KAZN: variants seen among roughly 807,000 people sequenced by gnomAD.
KAZN encodes kazrin.
A neutral mutation model predicts 87.4 loss-of-function variants in KAZN; 40 were observed. The ratio of observed to expected loss-of-function variants is 0.46; its 90% CI spans 0.36 to 0.60. The LOEUF (loss-of-function observed/expected upper bound fraction) is 0.60, where lower values mean the gene tolerates loss of function less well. Among genes scored for constraint, KAZN ranks in the 20% least tolerant of loss-of-function variants. The pLI is 0.00. For missense variants in KAZN, 898 were observed against 1,073.9 expected (o/e 0.84, Z 2.29); for synonymous variants, 466 against 458.3 (o/e 1.02, Z -0.22).
intron 1 of KAZN, among the ~76,000 whole-genome samples, chr1:14,936,315 C>T (rs768377015): frequency 2.6e-5 from 4 of 152,164 alleles, no homozygotes; most frequent in Non-Finnish European, 2.9e-5. Flanking sequence ...ATTAGAGATG[C>T]GGTTGGTACC....
intron 8 of KAZN, among the ~76,000 whole-genome samples, chr1:15,074,355 G>T (rs1349531221): frequency 6.6e-6 from 1 of 152,178 alleles, no homozygotes; most frequent in Non-Finnish European, 1.5e-5. Flanking sequence ...GGCAGTATGT[G>T]AGAAAACCAG....
At chr1:14,905,711 G>T (rs939611223) in intron 1 of KAZN, among the ~76,000 whole-genome samples, 1 of 151,514 alleles carries the variant, frequency 6.6e-6, no homozygotes, top group Non-Finnish European at 1.5e-5. Flanking sequence ...GGGCATGGTG[G>T]CACGTGCCTG....
chr1:14,338,968 A>G (rs1327769267), intron 2 of KAZN, among the ~76,000 whole-genome samples: 1 of 152,164 alleles, frequency 6.6e-6, no homozygotes, highest in Non-Finnish European at 1.5e-5. Context: ...TGCTGAATCA[A>G]TCCTTGGGAC....
chr1:14,795,227 ATTAC>A (rs1322642155), intron 1 of KAZN, among the ~76,000 whole-genome samples: 4 of 151,952 alleles, frequency 2.6e-5, no homozygotes, highest in Non-Finnish European at 5.9e-5. Context: ...CATCTATCCT[ATTAC>A]TTCTGTCCCT....
intron 1 of KAZN, among the ~76,000 whole-genome samples, chr1:14,821,945 A>C (rs1431833271): frequency 6.6e-6 from 1 of 152,178 alleles, no homozygotes; most frequent in Non-Finnish European, 1.5e-5. Context: ...TTACCAGACC[A>C]CACTGCCTCT....
intron 2 of KAZN, among the ~76,000 whole-genome samples, chr1:14,512,471 C>T (rs746812943): frequency 6.9e-6 from 1 of 145,570 alleles, no homozygotes; most frequent in African/African-American, 2.5e-5. Context: ...TGGCGCAGAG[C>T]CCCCCCACCC....
rs1463287539 is a variant in KAZN at position 14,183,908 on chromosome 1, T to G, written c.249+3316T>G. Among the ~76,000 whole-genome samples, 9 of 76,852 alleles carry G rather than the reference T, an allele frequency of 1.2e-4. No homozygotes were observed. The East Asian group carries it at 3.8e-3, about 33-fold the overall frequency. 50.4% of individuals were successfully genotyped at this position (76,852 alleles called of 152,430 possible). ...AGGGAGAGTCTGTGCTCTGCTGACC[T>G]AAGGAGGCTGCCCTGGGTCTGGACA... On this transcript the variant is annotated intron_variant, in intron 2 of 16. Coordinates refer to the KAZN transcript ENST00000636203.
intron 2 of KAZN, among the ~76,000 whole-genome samples, chr1:14,368,659 T>C (rs767738334): frequency 2.8e-4 from 42 of 152,188 alleles, no homozygotes; most frequent in Non-Finnish European, 4.3e-4. Flanking sequence ...GGCTCAATCC[T>C]ACCTCAGGCT....
intron 1 of KAZN, among the ~76,000 whole-genome samples, chr1:14,955,060 C>T (rs1221597910): frequency 1.3e-5 from 2 of 152,156 alleles, no homozygotes; most frequent in African/African-American, 4.8e-5. Flanking sequence ...TTCATCTAGA[C>T]TCATAAAGAG....
At chr1:14,272,717 G>A (rs545674869) in intron 2 of KAZN, among the ~76,000 whole-genome samples, 11 of 152,170 alleles carry the variant, frequency 7.2e-5, no homozygotes, top group African/African-American at 2.6e-4. Flanking sequence ...AATTAGCTGG[G>A]CATGGTGGCG....
At chr1:15,071,675 A>G (rs1340120344) in intron 8 of KAZN, among the ~76,000 whole-genome samples, 1 of 152,220 alleles carries the variant, frequency 6.6e-6, no homozygotes, top group Non-Finnish European at 1.5e-5. Context: ...CCTTGAGAAA[A>G]TGATCCCAAC....
intron 1 of KAZN, among the ~76,000 whole-genome samples, chr1:13,993,049 G>A (rs1639357416): frequency 6.6e-6 from 1 of 152,168 alleles, no homozygotes; most frequent in East Asian, 1.9e-4. Context: ...TTGCTCCAGT[G>A]ATGTCAGGCT....
intron 1 of KAZN, among the ~76,000 whole-genome samples, chr1:14,823,194 G>T (rs1646786317): frequency 6.6e-6 from 1 of 152,176 alleles, no homozygotes; most frequent in African/African-American, 2.4e-5. Context: ...TCTGAATCCG[G>T]ATTCCTAATT....
intron 2 of KAZN, among the ~76,000 whole-genome samples, chr1:14,325,554 CA>C (rs1327285187): frequency 6.6e-6 from 1 of 152,090 alleles, no homozygotes; most frequent in African/African-American, 2.4e-5. Context: ...AGAGAAAAAA[CA>C]GGCAAAAGAA....
At chr1:14,857,821 G>C (rs1650306496) in intron 1 of KAZN, among the ~76,000 whole-genome samples, 1 of 124,098 alleles carries the variant, frequency 8.1e-6, no homozygotes, top group Admixed American at 7.3e-5. Context: ...TTTTGTAACA[G>C]GTTTCTTGAG....
chr1:14,657,852 G>GT (rs1181331742), intron 1 of KAZN, among the ~76,000 whole-genome samples: 1 of 150,226 alleles, frequency 6.7e-6, no homozygotes, highest in South Asian at 2.1e-4. Context: ...TTGTTTGTTT[G>GT]TTTTTTGTTA....
At chr1:14,058,744 G>A (rs2101503974) in intron 1 of KAZN, among the ~76,000 whole-genome samples, 1 of 152,284 alleles carries the variant, frequency 6.6e-6, no homozygotes, top group East Asian at 1.9e-4. Flanking sequence ...AACAGAAAGG[G>A]GAGGAGGGAC....
chr1:14,356,246 C>T (rs545941816), intron 2 of KAZN, among the ~76,000 whole-genome samples: 1 of 152,082 alleles, frequency 6.6e-6, no homozygotes, highest in African/African-American at 2.4e-5. Context: ...AGTGTCTGTT[C>T]ATATCCTTTG....
intron 1 of KAZN, among the ~76,000 whole-genome samples, chr1:13,982,899 AG>A (rs1638808821): frequency 6.9e-6 from 1 of 144,386 alleles, no homozygotes; most frequent in South Asian, 2.2e-4. Context: ...TAGACATAAA[AG>A]TTCTCCAAGG....
Sources: gnomAD v4.1 joint callset for allele counts (sites outside exome capture counted in the v4.1 genomes callset) on GRCh38, gnomAD v4.1.1 for gene constraint, MANE v1.5 for transcripts, NCBI Gene and HGNC (gene_info 2026-07-23, HGNC 2026-07-21) for gene names.